LRP5: variants seen among roughly 807,000 people sequenced by gnomAD.
LRP5 encodes LDL receptor related protein 5.
Under a neutral mutation model 154.1 loss-of-function variants are expected in LRP5, and 62 were observed. The ratio of observed to expected loss-of-function variants is 0.40; its 90% CI spans 0.33 to 0.50. The LOEUF (loss-of-function observed/expected upper bound fraction) is 0.50. Ranked by LOEUF, LRP5 falls within the 20% of genes least tolerant of loss-of-function variation. LRP5 has a pLI of 0.55. For synonymous variants in LRP5, 966 were observed against 1,011.5 expected, an observed-to-expected ratio of 0.96 and a Z score of 0.85; for missense variants, 1,915 against 2,336.7, an observed-to-expected ratio of 0.82 and a Z score of 3.72.
At chr11:68,411,650 T>C in intron 11 of LRP5, 30 bp downstream of exon 11, 1 of 1,593,240 alleles carries the variant, frequency 6.3e-7, no homozygotes, top group East Asian at 2.2e-5. Context: ...CTTCTGGTCA[T>C]GGAGGGCGGG....
rs1330303034 is a variant in LRP5 at position 68,312,822 on chromosome 11, C to G, written c.91+17C>G. On this transcript the variant is annotated intron_variant, in intron 1 of 22. Transcript: ENST00000294304. The stretch of plus-strand genomic sequence containing the variant: ...CCGCCGCGGGTAGGTGGGCGCAGGC[C>G]GGCCGGGGGCCGCGGGTTGCTCGGA... 5.8e-6 allele frequency: 6 copies of G among 1,030,212 alleles called. No individual in the cohort carries two copies. Among genetic ancestry groups the G allele is most frequent in the Non-Finnish European group, 5.8e-6 (5 of 861,334 alleles). 63.8% of individuals were successfully genotyped at this position (1,030,212 alleles called of 1,614,324 possible). A position where few individuals can be genotyped will look rare whatever the true frequency, so the allele number is the denominator to read the frequency against.
intron 5 of LRP5, among the ~76,000 whole-genome samples, chr11:68,374,729 G>A (rs1269704660): frequency 5.3e-5 from 8 of 152,138 alleles, no homozygotes; most frequent in African/African-American, 1.9e-4. Context: ...CCTTGGATTA[G>A]CGTTGCCTGT....
rs576718732 is a variant in LRP5, at chr11:68,410,064, G to A, written c.2242G>A (p.Asp748Asn). ...CAACAGAATCGAAGTGGCGCGGCTG[G>A]ACGGGCAGTTCCGGCAAGTCCTCGT... ...GTNRIEVARLDGQFRQVLVWR... is the reference protein window; with the variant it reads ...GTNRIEVARLNGQFRQVLVWR... Residue 748 changes from aspartate (D) to asparagine (N), a missense_variant, in exon 10 of 23, where the codon GAC (aspartate) becomes AAC (asparagine). By Grantham distance (23) the Asp-to-Asn change is conservative. Coordinates refer to ENST00000294304, the MANE Select transcript of LRP5 (RefSeq NM_002335.4). 1 of 1,614,048 alleles carries A rather than the reference G, an allele frequency of 6.2e-7. No individual in the cohort carries two copies. The highest frequency in any genetic ancestry group is 2.2e-5 in the East Asian group (1 of 44,878).
chr11:68,394,050 C>G (rs2153157456), intron 7 of LRP5, among the ~76,000 whole-genome samples: 1 of 152,318 alleles, frequency 6.6e-6, no homozygotes, highest in African/African-American at 2.4e-5. Flanking sequence ...GCCGACCAAG[C>G]TCCAATCCTT....
chr11:68,351,210 C>T (rs2098618223), intron 2 of LRP5, among the ~76,000 whole-genome samples: 1 of 152,062 alleles, frequency 6.6e-6, no homozygotes, highest in South Asian at 2.1e-4. Flanking sequence ...CCCCGGCCTC[C>T]CAGGGGTGCT....
In LRP5 at chr11:68,416,503, G is replaced by A; in HGVS notation, c.3003G>A (p.Lys1001=). The A allele has an allele frequency of 6.2e-7, 1 of 1,613,938 alleles. No individual in the cohort carries two copies. The highest frequency in any genetic ancestry group is 1.1e-5 in the South Asian group (1 of 91,084). ...GGGTGGATGGGCGCCAGAACATCAA[G>A]CGAGCCAAGGACGACGGGACCCAGG... ...IYWVDGRQNI[K]RAKDDGTQPF... is the part of the protein sequence containing the mutation. The change falls in exon 13 of 23, where the codon AAG becomes AAA. Residue 1001 remains lysine (K), a synonymous_variant. Coordinates refer to ENST00000294304, the MANE Select transcript of LRP5 (RefSeq NM_002335.4).
chr11:68,311,384 C>T (rs2153109706), upstream of LRP5, among the ~76,000 whole-genome samples: 1 of 152,296 alleles, frequency 6.6e-6, no homozygotes. Context: ...AGCGCCTCCT[C>T]CGTGGATGTC....
intron 13 of LRP5, among the ~76,000 whole-genome samples, chr11:68,421,500 C>T (rs564113294): frequency 1.3e-5 from 2 of 152,220 alleles, no homozygotes; most frequent in Admixed American, 6.5e-5. Flanking sequence ...TCTTTCAGCC[C>T]GGCAGCTGTA....
chr11:68,339,973 G>C (rs1400758669), intron 1 of LRP5, among the ~76,000 whole-genome samples: 1 of 152,176 alleles, frequency 6.6e-6, no homozygotes, highest in Non-Finnish European at 1.5e-5. Flanking sequence ...GGGCTTGGTG[G>C]CTCACACCTG....
intron 13 of LRP5, among the ~76,000 whole-genome samples, chr11:68,420,414 G>A (rs546205825): frequency 1.3e-5 from 2 of 152,146 alleles, no homozygotes; most frequent in East Asian, 1.9e-4. Flanking sequence ...ATAATAACCC[G>A]TTGTAAAGGC....
chr11:68,378,298 C>T (rs922843300), intron 5 of LRP5, among the ~76,000 whole-genome samples: 1 of 152,170 alleles, frequency 6.6e-6, no homozygotes, highest in Non-Finnish European at 1.5e-5. Flanking sequence ...TGGCTCAGGC[C>T]GCTGGGCGAC....
chr11:68,438,961 G>A (rs115331145), intron 20 of LRP5, among the ~76,000 whole-genome samples: 188 of 152,324 alleles, frequency 1.2e-3, no homozygotes, highest in African/African-American at 4.3e-3. Context: ...GACATGTGCT[G>A]TGTTGTCCAC....
At chr11:68,432,373 CCT>C (rs2098672419) in intron 17 of LRP5, among the ~76,000 whole-genome samples, 1 of 152,226 alleles carries the variant, frequency 6.6e-6, no homozygotes, top group African/African-American at 2.4e-5. Context: ...GTCGTTGGCT[CCT>C]CTCAGCCGTC....
In LRP5 at chr11:68,403,502, C is replaced by T. The variant is rs80358310; in HGVS notation, c.1604C>T (p.Thr535Met). ...CTGCAGGTGATCAATGTTGATGGGA[C>T]GAAGAGGCGGACCCTCCTGGAGGAC... is the stretch of plus-strand genomic sequence containing the variant. Reference protein sequence around the residue: ...DKIEVINVDGTKRRTLLEDKL... With the variant: ...DKIEVINVDGMKRRTLLEDKL... The change falls in exon 8 of 23, where the codon ACG (threonine) becomes ATG (methionine). Residue 535 changes from threonine to methionine, a missense_variant. Thr to Met is a moderately conservative substitution (Grantham distance 81, BLOSUM62 -1). Coordinates refer to ENST00000294304, the MANE Select transcript of LRP5 (RefSeq NM_002335.4). 14 of 1,614,054 alleles carry T rather than the reference C, an allele frequency of 8.7e-6. No individual in the cohort carries two copies. The highest frequency in any genetic ancestry group is 1.6e-4 in the Middle Eastern group (1 of 6,062).
At position 68,447,532 on chromosome 11, in the gene LRP5, C is replaced by T. The variant is rs1465491407; in HGVS notation, c.4586+999C>T. ...AAACTGTCACAGTCTGTCCCACAGCCTTACAGACCACTGTCTCCAGAATGG... is the reference window on the plus strand; with the variant it reads ...AAACTGTCACAGTCTGTCCCACAGCTTTACAGACCACTGTCTCCAGAATGG... On this transcript the variant is annotated intron_variant, in intron 22 of 22. Transcript: ENST00000294304. This position sits in a 1 kb window ranked among gnomAD's most constrained non-coding sequence, Gnocchi z 4.3. 6.6e-6 allele frequency among the ~76,000 whole-genome samples: 1 copy of T among 152,188 alleles called. No individual in the cohort carries two copies. The highest frequency in any genetic ancestry group is 1.5e-5 in the Non-Finnish European group (1 of 68,036).
Position 68,425,278 on chromosome 11 carries a change from G to A in LRP5, c.3413G>A (p.Ser1138Asn), listed in dbSNP as rs1476128254. 3 of 1,608,982 alleles carry A rather than the reference G, an allele frequency of 1.9e-6. No homozygotes were observed. The highest frequency in any genetic ancestry group is 2.2e-5 in the East Asian group (1 of 44,884). The part of the protein sequence containing the change: ...WVDADLKRIE[S>N]CDLSGANRLT... Reference sequence around the variant, plus strand: ...GACGCGGACCTGAAGCGCATTGAGAGCTGTGACCTGTCAGGTACGCGCCCC... The same window carrying A: ...GACGCGGACCTGAAGCGCATTGAGAACTGTGACCTGTCAGGTACGCGCCCC... Residue 1138 changes from serine to asparagine, a missense_variant, in exon 15 of 23, where the codon AGC (serine) becomes AAC (asparagine). By Grantham distance (46) the Ser-to-Asn change is conservative. Around this residue, in one of 3 missense-constraint regions of LRP5, gnomAD observed 1,094 missense variants for 1,210.1 expected, o/e 0.90. Transcript: ENST00000294304.
rs549890575 is a variant in LRP5, at chr11:68,362,879, G to T, written c.687-868G>T. Among the ~76,000 whole-genome samples the T allele has an allele frequency of 6.6e-5, 10 of 152,234 alleles. No individual in the cohort carries two copies. The East Asian group carries it at 1.7e-3, about 27-fold the overall frequency. ...CTGTGCTGAGGGCTGGGGACGTGGC[G>T]GGGACCCTCTGCCCCCAGGCCCACC... On this transcript the variant is annotated intron_variant, in intron 3 of 22. Transcript: ENST00000294304.
In LRP5 at chr11:68,386,549, G is replaced by A. The variant is rs745871660; in HGVS notation, c.1249G>A (p.Asp417Asn). Reference protein sequence around the residue: ...AQTLVNTEINDPDGIAVDWVA... With the variant: ...AQTLVNTEINNPDGIAVDWVA... ...GACGCTGGTCAACACCGAGATCAAC[G>A]ACCCCGATGGCATCGCGGTCGACTG... Residue 417 changes from aspartate to asparagine, a missense_variant, in exon 6 of 23, where the codon GAC becomes AAC. Coordinates refer to ENST00000294304, the MANE Select transcript of LRP5 (RefSeq NM_002335.4). This position sits in a 1 kb window ranked among gnomAD's most constrained non-coding sequence, Gnocchi z 7.9. The A allele has an allele frequency of 9.9e-6, 16 of 1,613,744 alleles. No homozygotes were observed. The highest frequency in any genetic ancestry group is 6.7e-5 in the East Asian group (3 of 44,886).
At position 68,386,539 on chromosome 11, in the gene LRP5, C is replaced by T. The variant is rs746304511; in HGVS notation, c.1239C>T (p.Thr413=). The change falls in exon 6 of 23, where the codon ACC becomes ACT. Residue 413 remains threonine, a synonymous_variant. Transcript: ENST00000294304. The surrounding 1 kb of genome is among the most constrained non-coding windows in gnomAD (Gnocchi z 7.9). ...CTGGGGCGCAGACGCTGGTCAACAC[C>T]GAGATCAACGACCCCGATGGCATCG... ...DGSGAQTLVN[T]EINDPDGIAV... is the part of the protein sequence containing the mutation. The T allele has an allele frequency of 3.3e-5, 53 of 1,613,960 alleles. No individual in the cohort carries two copies. The highest frequency in any genetic ancestry group is 3.6e-5 in the Non-Finnish European group (42 of 1,180,004).
Sources: allele counts gnomAD v4.1 joint callset (sites outside exome capture counted in the v4.1 genomes callset), GRCh38; gene constraint gnomAD v4.1.1; regional missense constraint gnomAD v4.1.1; non-coding constraint Gnocchi (gnomAD v3.1); transcripts MANE v1.5; gene names NCBI Gene and HGNC (gene_info 2026-07-23, HGNC 2026-07-21).